The following AGTPBP1 variants were observed in gnomAD, a reference collection of about 807,000 sequenced individuals.
AGTPBP1 encodes ATP/GTP binding carboxypeptidase 1, also known as cytosolic carboxypeptidase 1.
AGTPBP1 carries 70 observed loss-of-function variants against 143.9 expected under a neutral mutation model. The observed-to-expected ratio is 0.49, with a 90% confidence interval of 0.40 to 0.59. The LOEUF is 0.59. Ranked by LOEUF, AGTPBP1 falls within the 20% of genes least tolerant of loss-of-function variation. AGTPBP1 has a pLI of 0.00. For missense variants in AGTPBP1, 1,229 were observed against 1,464.5 expected (o/e 0.84, Z 2.62); for synonymous variants, 463 against 500.2 (o/e 0.93, Z 0.99).
chr9:85,552,677 T>G (rs919536537), intron 25 of AGTPBP1, among the ~76,000 whole-genome samples: 1 of 152,204 alleles, frequency 6.6e-6, no homozygotes, highest in Non-Finnish European at 1.5e-5. Flanking sequence ...AAACCTACCT[T>G]GTTAAAGAAA....
chr9:85,733,099 A>C (rs1838996957), intron 1 of AGTPBP1, among the ~76,000 whole-genome samples: 2 of 152,174 alleles, frequency 1.3e-5, no homozygotes, highest in South Asian at 4.1e-4. Flanking sequence ...AAGTGAAGAG[A>C]GAGATGATTT....
At chr9:85,713,535 A>AAAAC (rs541873512) in intron 1 of AGTPBP1, among the ~76,000 whole-genome samples, 31 of 152,332 alleles carry the variant, frequency 2.0e-4, no homozygotes, top group South Asian at 4.1e-4. Flanking sequence ...CCATCTCAAA[A>AAAAC]AAACAAACAA....
intron 17 of AGTPBP1, among the ~76,000 whole-genome samples, chr9:85,611,465 T>C (rs891702866): frequency 2.0e-5 from 3 of 151,954 alleles, no homozygotes; most frequent in Admixed American, 1.3e-4. Context: ...TTTTATACTA[T>C]TAAAGAGATA....
intron 2 of AGTPBP1, among the ~76,000 whole-genome samples, chr9:85,702,983 T>TGA (rs1249636481): frequency 1.3e-5 from 2 of 152,182 alleles, no homozygotes; most frequent in Non-Finnish European, 1.5e-5. Context: ...GCAAAACAAT[T>TGA]TAGGGTCCAC....
chr9:85,579,965 G>T (rs373688440), intron 23 of AGTPBP1, among the ~76,000 whole-genome samples: 7 of 151,512 alleles, frequency 4.6e-5, no homozygotes, highest in African/African-American at 1.7e-4. Flanking sequence ...TTCAGAATGG[G>T]TCGGGCTCAC....
At chr9:85,696,593 G>A (rs374149465) in intron 2 of AGTPBP1, among the ~76,000 whole-genome samples, 16 of 152,100 alleles carry the variant, frequency 1.1e-4, no homozygotes, top group African/African-American at 3.1e-4. Context: ...GCTTGAACCC[G>A]GGAGGTGGAG....
intron 1 of AGTPBP1, among the ~76,000 whole-genome samples, chr9:85,719,560 G>C (rs1420850828): frequency 6.6e-6 from 1 of 152,184 alleles, no homozygotes; most frequent in Non-Finnish European, 1.5e-5. Flanking sequence ...GAGATTAGGG[G>C]CTCAGACAAT....
At chr9:85,618,545 T>G (rs1830726263) in intron 17 of AGTPBP1, among the ~76,000 whole-genome samples, 1 of 151,814 alleles carries the variant, frequency 6.6e-6, no homozygotes, top group Non-Finnish European at 1.5e-5. Context: ...CCAAGTGGGG[T>G]TTATTCCACA....
upstream of AGTPBP1, among the ~76,000 whole-genome samples, chr9:85,742,423 G>C (rs991512908): frequency 8.8e-5 from 13 of 148,356 alleles, no homozygotes; most frequent in Admixed American, 3.4e-4. Flanking sequence ...ACGTGATCCC[G>C]GGGTCGCATC....
rs771160356 is a variant in AGTPBP1 at position 85,632,766 on chromosome 9, C to A, written c.1911G>T (p.Thr637=). ...CCTCTGAATATTCTGGGACAGACTT[C>A]GTATTTTTCACAATCTCAATATAGA... ...PDLYIEIVKN[T]KSVPEYSEVA... is the part of the protein sequence containing the mutation. Residue 637 remains threonine (T), a synonymous_variant, in exon 14 of 26, where the codon ACG becomes ACT. Transcript: ENST00000357081. 7 of 1,613,984 alleles carry A rather than the reference C, an allele frequency of 4.3e-6. No individual in the cohort carries two copies. The highest frequency in any genetic ancestry group is 1.7e-5 in the Admixed American group (1 of 59,998).
At chr9:85,554,353 C>G (rs1163434406) in intron 25 of AGTPBP1, 1 of 152,198 alleles carries the variant, frequency 6.6e-6, no homozygotes, top group Non-Finnish European at 1.5e-5. Context: ...TTTTAAATTA[C>G]ATAGTACAAG....
chr9:85,629,575 G>T (rs371737529), intron 14 of AGTPBP1, among the ~76,000 whole-genome samples: 24 of 152,310 alleles, frequency 1.6e-4, no homozygotes, highest in African/African-American at 5.8e-4. Context: ...AGAGGACAGA[G>T]GTCACCAGAG....
chr9:85,589,293 C>T (rs1255499253), intron 20 of AGTPBP1, among the ~76,000 whole-genome samples: 4 of 151,948 alleles, frequency 2.6e-5, no homozygotes, highest in Non-Finnish European at 5.9e-5. Context: ...AAGAACTAAA[C>T]GACAGTGGTA....
chr9:85,776,137 C>T, the AGTPBP1 span, among the ~76,000 whole-genome samples: 2 of 152,164 alleles, frequency 1.3e-5, no homozygotes, highest in East Asian at 1.9e-4. Context: ...AACCCAAATG[C>T]TATTACATAA....
chr9:85,606,247 CAT>C (rs1829981441), intron 17 of AGTPBP1, among the ~76,000 whole-genome samples: 1 of 151,656 alleles, frequency 6.6e-6, no homozygotes, highest in African/African-American at 2.4e-5. Flanking sequence ...AGGCAAAGGA[CAT>C]AGATATTTCT....
intron 1 of AGTPBP1, among the ~76,000 whole-genome samples, chr9:85,717,495 C>T (rs1451367759): frequency 6.6e-6 from 1 of 152,152 alleles, no homozygotes; most frequent in Non-Finnish European, 1.5e-5. Context: ...GAGCAAGACG[C>T]TGTCTCAAAA....
At chr9:85,720,888 A>C (rs1213136540) in intron 1 of AGTPBP1, among the ~76,000 whole-genome samples, 1 of 152,170 alleles carries the variant, frequency 6.6e-6, no homozygotes, top group African/African-American at 2.4e-5. Context: ...GGTTTCAAAG[A>C]ACGTCTTTAT....
At chr9:85,724,044 TGG>T (rs1838305283) in intron 1 of AGTPBP1, among the ~76,000 whole-genome samples, 1 of 152,072 alleles carries the variant, frequency 6.6e-6, no homozygotes, top group South Asian at 2.1e-4. Flanking sequence ...CCTAGCACTT[TGG>T]GAGGCCGAGG....
At position 85,725,753 on chromosome 9, in the gene AGTPBP1, T is replaced by A. The variant is rs138596199; in HGVS notation, c.-33-13187A>T. Among the ~76,000 whole-genome samples the A allele has an allele frequency of 2.4e-3, 367 of 151,950 alleles. 2 individuals carry two copies. The highest frequency in any genetic ancestry group is 8.6e-3 in the African/African-American group (355 of 41,466). On this transcript the variant is annotated intron_variant, in intron 1 of 25. Coordinates refer to ENST00000357081, the MANE Select transcript of AGTPBP1 (RefSeq NM_001330701.2). ...AGGGAGACCCCATTTCTGCAAAAAA[T>A]TTAAAAATTAGGTCAGGCGCAGTGG...
Sources: allele counts gnomAD v4.1 joint callset (sites outside exome capture counted in the v4.1 genomes callset), GRCh38; gene constraint gnomAD v4.1.1; transcripts MANE v1.5; gene names NCBI Gene and HGNC (gene_info 2026-07-23, HGNC 2026-07-21).